ZFP64: variants seen among roughly 807,000 people sequenced by gnomAD.
The protein encoded by ZFP64 is ZFP64 zinc finger protein, also known as zinc finger protein 64.
Under a neutral mutation model 51.6 loss-of-function variants are expected in ZFP64, and 14 were observed. The observed-to-expected ratio is 0.27, with a 90% CI of 0.18 to 0.42. ZFP64 has a LOEUF of 0.42. Among genes scored for constraint, ZFP64 ranks in the 10% least tolerant of loss-of-function variants. The pLI, the probability that ZFP64 is intolerant of heterozygous loss-of-function variation, is 1.00. For synonymous variants in ZFP64, 375 were observed against 361.4 expected (o/e 1.04, Z -0.43); for missense variants, 754 against 906.8 (o/e 0.83, Z 2.16).
At chr20:52,099,829 T>C (rs1295990691) in intron 5 of ZFP64, among the ~76,000 whole-genome samples, 1 of 152,242 alleles carries the variant, frequency 6.6e-6, no homozygotes, top group African/African-American at 2.4e-5. Flanking sequence ...AAGGTTGAAC[T>C]AGGTGAAATC....
chr20:52,174,482 CAAA>C (rs386393988), intron 2 of ZFP64, among the ~76,000 whole-genome samples: 1 of 56,024 alleles, frequency 1.8e-5, no homozygotes, highest in African/African-American at 7.9e-5. Flanking sequence ...GGCTCCATCT[CAAA>C]AAAAAAAAAA....
chr20:52,095,825 T>C (rs1413132003), intron 7 of ZFP64, among the ~76,000 whole-genome samples: 2 of 152,156 alleles, frequency 1.3e-5, no homozygotes, highest in Admixed American at 1.3e-4. Context: ...AATTTTAAGA[T>C]TTTTGGCCTC....
chr20:52,110,743 A>G (rs1322326948), intron 5 of ZFP64: 1 of 1,599,066 alleles, frequency 6.3e-7, no homozygotes, highest in African/African-American at 1.3e-5. Flanking sequence ...AGTACATGGG[A>G]CTGGGTTCTC....
At chr20:52,138,595 AAG>A (rs1485072107) in intron 5 of ZFP64, among the ~76,000 whole-genome samples, 1 of 152,150 alleles carries the variant, frequency 6.6e-6, no homozygotes, top group Non-Finnish European at 1.5e-5. Context: ...AAAAATGACA[AAG>A]AACGTAGAAC....
At position 52,151,672 on chromosome 20, in the gene ZFP64, C is replaced by T; in HGVS notation, c.*474G>A. ...TTCAGAGGTGGTCTCAAAGTTGTTACAGTGTTAAAAAAATTATAGTAAGCA... is the reference window on the plus strand; with the variant it reads ...TTCAGAGGTGGTCTCAAAGTTGTTATAGTGTTAAAAAAATTATAGTAAGCA... On this transcript the variant is annotated 3_prime_UTR_variant, in exon 6 of 6. Coordinates refer to ENST00000216923, the MANE Select transcript of ZFP64 (RefSeq NM_018197.3). The T allele has an allele frequency of 1.0e-6, 1 of 991,524 alleles. No individual in the cohort carries two copies. Among genetic ancestry groups the T allele is most frequent in the Non-Finnish European group, 1.2e-6 (1 of 833,114 alleles). The allele number at this position is 991,524 out of a possible 1,614,324, so 61.4% of individuals were successfully genotyped here. A position where few individuals can be genotyped will look rare whatever the true frequency, so the allele number is the denominator to read the frequency against.
At chr20:52,176,053 G>C (rs771551869) in intron 2 of ZFP64, 4 of 802,770 alleles carry the variant, frequency 5.0e-6, no homozygotes, top group Non-Finnish European at 6.0e-6. Flanking sequence ...TTTGCTGATT[G>C]GTGCAGTGGA....
intron 5 of ZFP64, among the ~76,000 whole-genome samples, chr20:52,155,856 TG>T (rs1328408864): frequency 6.6e-6 from 1 of 152,158 alleles, no homozygotes; most frequent in Non-Finnish European, 1.5e-5. Flanking sequence ...GAGTTTGGGT[TG>T]CTACTAAAAC....
exon 6 of ZFP64, chr20:52,098,440 G>T: frequency 6.2e-7 from 1 of 1,613,950 alleles, no homozygotes; most frequent in Non-Finnish European, 8.5e-7. Flanking sequence ...ACTCTTACCT[G>T]GGTAGCAACA....
intron 5 of ZFP64, among the ~76,000 whole-genome samples, chr20:52,122,380 C>T (rs1464050117): frequency 6.6e-6 from 1 of 151,910 alleles, no homozygotes; most frequent in African/African-American, 2.4e-5. Flanking sequence ...GTGGCCGGCG[C>T]CTGTAGTCCC....
At chr20:52,099,750 G>A (rs2079030761) in intron 5 of ZFP64, among the ~76,000 whole-genome samples, 1 of 152,196 alleles carries the variant, frequency 6.6e-6, no homozygotes, top group Non-Finnish European at 1.5e-5. Context: ...GGAGAAATGA[G>A]ATTGACCACA....
At chr20:52,180,848 C>T (rs1011172434) in intron 2 of ZFP64, among the ~76,000 whole-genome samples, 5 of 152,174 alleles carry the variant, frequency 3.3e-5, no homozygotes, top group African/African-American at 1.2e-4. Flanking sequence ...GCAAGTGGTA[C>T]AGCCAGGATA....
intron 2 of ZFP64, among the ~76,000 whole-genome samples, chr20:52,186,585 G>GA (rs1983980254): frequency 1.3e-5 from 2 of 150,678 alleles, no homozygotes; most frequent in South Asian, 4.2e-4. Flanking sequence ...TTTTGTTTCA[G>GA]AAATCTCTTT....
At chr20:52,156,402 T>G (rs1476852157) in intron 5 of ZFP64, among the ~76,000 whole-genome samples, 5 of 152,142 alleles carry the variant, frequency 3.3e-5, no homozygotes, top group Non-Finnish European at 7.4e-5. Flanking sequence ...TGCTTACACC[T>G]CGGTCATGAC....
chr20:52,134,724 G>T (rs1183008109), intron 5 of ZFP64, among the ~76,000 whole-genome samples: 1 of 152,162 alleles, frequency 6.6e-6, no homozygotes, highest in African/African-American at 2.4e-5. Context: ...AAATCCTACA[G>T]AAGGTCTAAT....
Position 52,167,574 on chromosome 20 carries a change from T to A in ZFP64, c.287-1549A>T, listed in dbSNP as rs530043430. Among the ~76,000 whole-genome samples the A allele has an allele frequency of 8.8e-4, 126 of 143,326 alleles. No individual in the cohort carries two copies. The Middle Eastern group carries it at 0.018, about 20-fold the overall frequency. 94.0% of individuals were successfully genotyped at this position (143,326 alleles called of 152,430 possible). On this transcript the variant is annotated intron_variant, in intron 2 of 5. Coordinates refer to ENST00000216923, the MANE Select transcript of ZFP64 (RefSeq NM_018197.3). ...CTCTTCCCCTTCCCTCCCTCCCTTC[T>A]TTCCTTCCTCTCCTCCTCTTTCTTT...
intron 7 of ZFP64, among the ~76,000 whole-genome samples, chr20:52,095,858 T>A (rs923650222): frequency 6.6e-6 from 1 of 152,230 alleles, no homozygotes; most frequent in African/African-American, 2.4e-5. Context: ...GGCAGTAGCC[T>A]AGCCCCAGTT....
At chr20:52,105,308 G>A in intron 5 of ZFP64, 1 of 1,259,230 alleles carries the variant, frequency 7.9e-7, no homozygotes, top group Non-Finnish European at 1.0e-6. Context: ...CCGGAGTTCG[G>A]AAATTACCCC....
rs1211058256 is a variant in ZFP64 at position 52,128,709 on chromosome 20, GCTT to G, written c.764-30125_764-30123del. Among the ~76,000 whole-genome samples the G allele has an allele frequency of 3.9e-5, 6 of 152,218 alleles. No individual in the cohort carries two copies. The East Asian group carries it at 1.2e-3, about 29-fold the overall frequency. On this transcript the variant is annotated intron_variant, in intron 5 of 8. Transcript: ENST00000361387. Reference sequence around the variant, plus strand: ...CAGCATTAGTCACCATTTTACTAAAGCTTCTGAGCTTGGTCTTCCGTCAGTAAC... The same window carrying G: ...CAGCATTAGTCACCATTTTACTAAAGCTGAGCTTGGTCTTCCGTCAGTAAC...
chr20:52,180,800 AAC>A (rs1196986421), intron 2 of ZFP64, among the ~76,000 whole-genome samples: 1 of 152,198 alleles, frequency 6.6e-6, no homozygotes, highest in Non-Finnish European at 1.5e-5. Context: ...TGGAAATGGA[AAC>A]ACAGTGTAAG....
Sources: gnomAD v4.1 joint callset for allele counts (sites outside exome capture counted in the v4.1 genomes callset) on GRCh38, gnomAD v4.1.1 for gene constraint, MANE v1.5 for transcripts, NCBI Gene and HGNC (gene_info 2026-07-23, HGNC 2026-07-21) for gene names.